FAM53B: variants seen among roughly 807,000 people sequenced by gnomAD.
FAM53B encodes the protein protein FAM53B.
In FAM53B, 12 loss-of-function variants were observed where a neutral mutation model predicts 32.7. The observed-to-expected ratio is 0.37, with a 90% CI of 0.24 to 0.59. The LOEUF is 0.59. FAM53B is among the 20% of genes least tolerant of loss of function. The probability of loss-of-function intolerance (pLI) is 0.72; values close to 1 mark genes in which losing one functional copy is unlikely to be tolerated. For missense variants in FAM53B, 477 were observed against 577.7 expected (o/e 0.83, Z 1.79); for synonymous variants, 234 against 228.7 (o/e 1.02, Z -0.21).
intron 4 of FAM53B, among the ~76,000 whole-genome samples, chr10:124,640,417 C>G (rs1235061319): frequency 1.3e-5 from 2 of 152,148 alleles, no homozygotes; most frequent in African/African-American, 4.8e-5. Flanking sequence ...CCAAGATGGC[C>G]CCTGAAGAAT....
chr10:124,660,497 A>G (rs1367245987), intron 4 of FAM53B, among the ~76,000 whole-genome samples: 4 of 152,232 alleles, frequency 2.6e-5, no homozygotes, highest in Non-Finnish European at 5.9e-5. Context: ...ACGAGCACTA[A>G]GTGCCCCTTT....
intron 4 of FAM53B, chr10:124,623,840 C>T: frequency 4.0e-6 from 2 of 501,310 alleles, no homozygotes; most frequent in Non-Finnish European, 7.0e-6. Context: ...CACCTACTAA[C>T]TCGGCAAAGC....
Position 124,733,417 on chromosome 10 carries a change from CT to C in FAM53B, c.-175+10595del, listed in dbSNP as rs1276360515. Among the ~76,000 whole-genome samples the C allele has an allele frequency of 3.3e-5, 5 of 152,334 alleles. No individual in the cohort carries two copies. Among genetic ancestry groups the C allele is most frequent in the Admixed American group, 6.5e-5 (1 of 15,302 alleles). On this transcript the variant is annotated intron_variant, in intron 1 of 4. Coordinates refer to ENST00000337318, the MANE Select transcript of FAM53B (RefSeq NM_014661.4). This position sits in a 1 kb window ranked among gnomAD's most constrained non-coding sequence, Gnocchi z 4.3. ...GAGTGTCTGTGTCAGCAGCTTCCCCCTGCCTTTGAGAACACTAGTGAGAACA... is the reference window on the plus strand; with the variant it reads ...GAGTGTCTGTGTCAGCAGCTTCCCCCGCCTTTGAGAACACTAGTGAGAACA...
intron 1 of FAM53B, among the ~76,000 whole-genome samples, chr10:124,722,171 T>C (rs1170668647): frequency 6.6e-6 from 1 of 152,058 alleles, no homozygotes; most frequent in African/African-American, 2.4e-5. Context: ...TTCAAATAGT[T>C]AGAAGAAAGA....
intron 4 of FAM53B, among the ~76,000 whole-genome samples, chr10:124,678,331 G>A (rs947372666): frequency 1.1e-4 from 16 of 152,138 alleles, no homozygotes; most frequent in Non-Finnish European, 1.5e-4. Context: ...ACACACACAC[G>A]CATATCAACA....
Position 124,657,112 on chromosome 10 carries a change from G to GTGTGTATATATA in FAM53B, c.906+24494_906+24495insTATATATACACA, listed in dbSNP as rs1564869708. On this transcript the variant is annotated intron_variant, in intron 4 of 4. Coordinates refer to ENST00000337318, the MANE Select transcript of FAM53B (RefSeq NM_014661.4). Reference sequence around the variant, plus strand: ...TGTATATATATGTGTATATATATGTGTGTGTGTATATATATGTGTGTATAT... The same window carrying GTGTGTATATATA: ...TGTATATATATGTGTATATATATGTGTGTGTATATATATGTGTGTATATATATGTGTGTATAT... Among the ~76,000 whole-genome samples, 522 of 136,814 alleles carry GTGTGTATATATA rather than the reference G, an allele frequency of 3.8e-3. 4 individuals are homozygous for GTGTGTATATATA. Among genetic ancestry groups the GTGTGTATATATA allele is most frequent in the African/African-American group, 0.013 (496 of 37,992 alleles). The allele number at this position is 136,814 out of a possible 152,430, so 89.8% of individuals were successfully genotyped here. A position where few individuals can be genotyped will look rare whatever the true frequency, so the allele number is the denominator to read the frequency against.
Position 124,622,378 on chromosome 10 carries a change from G to T in FAM53B, c.*864C>A, listed in dbSNP as rs1362600474. ...TATCGTGCCATCCCTACACTCACCGGAACCAACCATGCTTATCACTCAGTG... is the reference window on the plus strand; with the variant it reads ...TATCGTGCCATCCCTACACTCACCGTAACCAACCATGCTTATCACTCAGTG... On this transcript the variant is annotated 3_prime_UTR_variant, in exon 5 of 5. Transcript: ENST00000337318. The T allele has an allele frequency of 6.6e-6, 1 of 152,232 alleles. No individual in the cohort carries two copies. The highest frequency in any genetic ancestry group is 2.4e-5 in the African/African-American group (1 of 41,424). 9.4% of individuals were successfully genotyped at this position (152,232 alleles called of 1,614,324 possible). A position where few individuals can be genotyped will look rare whatever the true frequency, so the allele number is the denominator to read the frequency against.
rs554850382 is a variant in FAM53B at position 124,738,803 on chromosome 10, G to GA, written c.-175+5209dup. On this transcript the variant is annotated intron_variant, in intron 1 of 4. Coordinates refer to ENST00000337318, the MANE Select transcript of FAM53B (RefSeq NM_014661.4). ...GACATCTGAATTACAAATGCAAAAAGAAAAAAAAGTTGGAAACACTTTTAA... is the reference window on the plus strand; with the variant it reads ...GACATCTGAATTACAAATGCAAAAAGAAAAAAAAAGTTGGAAACACTTTTAA... 1.6e-4 allele frequency among the ~76,000 whole-genome samples: 25 copies of GA among 151,594 alleles called. No individual in the cohort carries two copies. The South Asian group carries it at 5.0e-3, about 30-fold the overall frequency.
At chr10:124,717,084 T>C (rs1464345763) in intron 1 of FAM53B, among the ~76,000 whole-genome samples, 2 of 152,112 alleles carry the variant, frequency 1.3e-5, no homozygotes, top group African/African-American at 2.4e-5. Flanking sequence ...AACAAAAGGC[T>C]GTGTGGCCTA....
At chr10:124,696,334 G>T (rs1434019609) in intron 2 of FAM53B, 122 bp from the exon 3 acceptor site, 2 of 849,072 alleles carry the variant, frequency 2.4e-6, no homozygotes, top group South Asian at 1.5e-5. Context: ...TGTCAGATCA[G>T]GGAAAGGAGG....
intron 1 of FAM53B, among the ~76,000 whole-genome samples, chr10:124,707,676 T>C (rs1000589639): frequency 3.3e-5 from 5 of 152,212 alleles, no homozygotes; most frequent in South Asian, 4.1e-4. Context: ...GAGGCAGAGG[T>C]TGCAGTGAGC....
At chr10:124,741,268 G>C (rs1161047228) in intron 1 of FAM53B, among the ~76,000 whole-genome samples, 1 of 152,130 alleles carries the variant, frequency 6.6e-6, no homozygotes. Flanking sequence ...CTGAGTATTT[G>C]CTTATTTCAG....
chr10:124,637,831 C>A (rs984046899), intron 4 of FAM53B, among the ~76,000 whole-genome samples: 3 of 152,218 alleles, frequency 2.0e-5, no homozygotes, highest in African/African-American at 7.2e-5. Flanking sequence ...ACTCTTCCTG[C>A]CATTGCATAG....
chr10:124,641,572 G>A (rs1949473624), intron 4 of FAM53B, among the ~76,000 whole-genome samples: 1 of 152,240 alleles, frequency 6.6e-6, no homozygotes. Context: ...TGAGGCCCAT[G>A]TTCACTAGAA....
chr10:124,634,696 T>C (rs569750938), intron 4 of FAM53B, among the ~76,000 whole-genome samples: 3 of 152,354 alleles, frequency 2.0e-5, no homozygotes, highest in African/African-American at 7.2e-5. Context: ...TATTTCCTTA[T>C]GGCAACGTGA....
At chr10:124,659,766 G>A (rs1238386916) in intron 4 of FAM53B, among the ~76,000 whole-genome samples, 2 of 152,346 alleles carry the variant, frequency 1.3e-5, no homozygotes, top group Admixed American at 1.3e-4. Flanking sequence ...AAGATATCTG[G>A]CTGACAGAGT....
rs572548269 is a variant in FAM53B at position 124,623,514 on chromosome 10, T to A, written c.997A>T (p.Thr333Ser). 28 of 1,595,658 alleles carry A rather than the reference T, an allele frequency of 1.8e-5. No homozygotes were observed. Among genetic ancestry groups the A allele is most frequent in the African/African-American group, 2.7e-5 (2 of 74,746 alleles). ...QSPFARHVSNTRAWTALLSAS... is the reference protein window; with the variant it reads ...QSPFARHVSNSRAWTALLSAS... Reference sequence around the variant, plus strand: ...GAGAGCAGGGCGGTCCAGGCCCTGGTGTTGCTGACGTGGCGGGCGAAGGGG... The same window carrying A: ...GAGAGCAGGGCGGTCCAGGCCCTGGAGTTGCTGACGTGGCGGGCGAAGGGG... The change falls in exon 5 of 5, where the codon ACC (threonine) becomes TCC (serine). Residue 333 changes from threonine (T) to serine (S), a missense_variant. Physicochemically the swap from Thr to Ser is moderately conservative, Grantham distance 58. Coordinates refer to ENST00000337318, the MANE Select transcript of FAM53B (RefSeq NM_014661.4).
intron 3 of FAM53B, among the ~76,000 whole-genome samples, chr10:124,684,188 GGA>G (rs1949789512): frequency 6.6e-6 from 1 of 152,242 alleles, no homozygotes; most frequent in Admixed American, 6.5e-5. Flanking sequence ...TGAAGATGCA[GGA>G]GAGAAACCTT....
chr10:124,641,274 G>A (rs1949470637), intron 4 of FAM53B, among the ~76,000 whole-genome samples: 2 of 152,320 alleles, frequency 1.3e-5, no homozygotes, highest in African/African-American at 4.8e-5. Flanking sequence ...CAATAATGCT[G>A]GGGCCAGTTT....
Sources: allele counts gnomAD v4.1 joint callset (sites outside exome capture counted in the v4.1 genomes callset), GRCh38; gene constraint gnomAD v4.1.1; non-coding constraint Gnocchi (gnomAD v3.1); transcripts MANE v1.5; gene names NCBI Gene and HGNC (gene_info 2026-07-23, HGNC 2026-07-21).